The following HECW2 variants were observed in gnomAD, a reference collection of about 807,000 sequenced individuals.
HECW2 encodes the protein HECT, C2 and WW domain containing E3 ubiquitin protein ligase 2.
HECW2 carries 61 observed loss-of-function variants against 175.2 expected under a neutral mutation model. The ratio of observed to expected loss-of-function variants is 0.35; its 90% CI spans 0.28 to 0.43. The LOEUF is 0.43. Ranked by LOEUF, HECW2 falls within the 20% of genes least tolerant of loss-of-function variation. HECW2 has a pLI of 1.00. For missense variants in HECW2, 1,524 were observed against 2,000.5 expected (o/e 0.76, Z 4.54); for synonymous variants, 671 against 731.0 (o/e 0.92, Z 1.32).
chr2:196,235,265 T>A (rs1475734191), intron 21 of HECW2, among the ~76,000 whole-genome samples: 1 of 151,708 alleles, frequency 6.6e-6, no homozygotes, highest in Non-Finnish European at 1.5e-5. Flanking sequence ...GCCCAGCTAA[T>A]TTTTTTGTAT....
rs963481254 is a variant in HECW2 at position 196,199,875 on chromosome 2, T to C, written c.*1402A>G. On this transcript the variant is annotated 3_prime_UTR_variant, in exon 29 of 29. Coordinates refer to ENST00000644978, the MANE Select transcript of HECW2 (RefSeq NM_001348768.2). ...TCTCTTAATATTAATAAGAAAATTATGCATCAGTGAAAATGCAGGCTTAGA... is the reference window on the plus strand; with the variant it reads ...TCTCTTAATATTAATAAGAAAATTACGCATCAGTGAAAATGCAGGCTTAGA... 10 of 152,542 alleles carry C rather than the reference T, an allele frequency of 6.6e-5. No homozygotes were observed. Among genetic ancestry groups the C allele is most frequent in the Non-Finnish European group, 8.8e-5 (6 of 68,008 alleles). 9.4% of individuals were successfully genotyped at this position (152,542 alleles called of 1,614,324 possible).
intron 1 of HECW2, among the ~76,000 whole-genome samples, chr2:196,556,285 T>C (rs1689791046): frequency 6.6e-6 from 1 of 152,218 alleles, no homozygotes; most frequent in Admixed American, 6.5e-5. Flanking sequence ...CCTCACATAA[T>C]TACCTTGATT....
Position 196,322,589 on chromosome 2 carries a change from A to G in HECW2, c.773T>C (p.Val258Ala). ...KYSFFALLTD[V>A]LEIEIKDKFA... ...TTTGTCTTTAATTTCAATTTCTAAGACATCAGTAAGAAGTGCAAAAAAGGA... is the reference window on the plus strand; with the variant it reads ...TTTGTCTTTAATTTCAATTTCTAAGGCATCAGTAAGAAGTGCAAAAAAGGA... Residue 258 changes from valine to alanine, a missense_variant, in exon 7 of 29, where the codon GTC (valine) becomes GCC (alanine). Around this residue, in one of 11 missense-constraint regions of HECW2, gnomAD observed 95 missense variants for 136.8 expected, o/e 0.69. Coordinates refer to ENST00000644978, the MANE Select transcript of HECW2 (RefSeq NM_001348768.2). 6.2e-7 allele frequency: 1 copy of G among 1,613,664 alleles called. No homozygotes were observed. Among genetic ancestry groups the G allele is most frequent in the African/African-American group, 1.3e-5 (1 of 75,044 alleles).
At chr2:196,257,160 T>C (rs1288972273) in intron 18 of HECW2, among the ~76,000 whole-genome samples, 1 of 152,238 alleles carries the variant, frequency 6.6e-6, no homozygotes, top group African/African-American at 2.4e-5. Context: ...TATTTTACTA[T>C]GGCTTGCCTA....
chr2:196,256,188 T>C (rs1689049643), intron 18 of HECW2, among the ~76,000 whole-genome samples: 1 of 152,310 alleles, frequency 6.6e-6, no homozygotes, highest in Non-Finnish European at 1.5e-5. Context: ...TTTACTATTA[T>C]TAAAATAATA....
In HECW2 at chr2:196,319,195, A is replaced by G. The variant is rs756205973; in HGVS notation, c.1695T>C (p.Ala565=). ...EPQPSADQGS[A]ELCGSQEVDQ... is the part of the protein sequence containing the mutation. ...CTACCTCTTGAGAGCCACACAGTTC[A>G]GCACTGCCCTGGTCAGCACTGGGTT... is the stretch of plus-strand genomic sequence containing the variant. The change falls in exon 9 of 29, where the codon GCT becomes GCC. Residue 565 remains alanine (A), a synonymous_variant. Coordinates refer to ENST00000644978, the MANE Select transcript of HECW2 (RefSeq NM_001348768.2). 1.3e-6 allele frequency: 2 copies of G among 1,596,978 alleles called. No homozygotes were observed. The highest frequency in any genetic ancestry group is 3.4e-5 in the Admixed American group (2 of 58,570).
At position 196,270,769 on chromosome 2, in the gene HECW2, T is replaced by G. The variant is rs1689700425; in HGVS notation, c.3335+424A>C. 2.0e-5 allele frequency among the ~76,000 whole-genome samples: 3 copies of G among 152,054 alleles called. No homozygotes were observed. The South Asian group carries it at 6.2e-4, about 31-fold the overall frequency. On this transcript the variant is annotated intron_variant, in intron 17 of 28. Coordinates refer to ENST00000644978, the MANE Select transcript of HECW2 (RefSeq NM_001348768.2). ...AGGCTGGAGTGCAGTGGTGCAAATC[T>G]CAGCTCACTGCAACCTCCACCTCCC...
chr2:196,583,114 C>A (rs1309744656), intron 1 of HECW2, among the ~76,000 whole-genome samples: 1 of 152,178 alleles, frequency 6.6e-6, no homozygotes, highest in Non-Finnish European at 1.5e-5. Flanking sequence ...GTCGTATTGC[C>A]ATGCTCCTCT....
At chr2:196,238,533 C>T (rs1472115794) in intron 21 of HECW2, 4 of 151,976 alleles carry the variant, frequency 2.6e-5, no homozygotes, top group Admixed American at 2.0e-4. Flanking sequence ...TATGTATCCT[C>T]GGTACCTCAA....
intron 18 of HECW2, 112 bp from the exon 19 acceptor site, chr2:196,254,141 A>G (rs986076945): frequency 3.3e-5 from 48 of 1,442,816 alleles, no homozygotes; most frequent in Non-Finnish European, 4.4e-5. Context: ...TCCCAAAGAG[A>G]GCATCCGCCC....
At chr2:196,274,183 T>A (rs1689853239) in intron 15 of HECW2, 60 bp from the exon 16 acceptor site, 3 of 1,244,350 alleles carry the variant, frequency 2.4e-6, no homozygotes, top group Non-Finnish European at 3.5e-6. Context: ...TATATCAGCA[T>A]CCCAAACCAA....
At chr2:196,241,802 C>A (rs1688467267) in intron 20 of HECW2, among the ~76,000 whole-genome samples, 1 of 152,174 alleles carries the variant, frequency 6.6e-6, no homozygotes, top group African/African-American at 2.4e-5. Context: ...CCAACAAAGA[C>A]ATACTTTTCA....
chr2:196,446,397 A>ATGACTT (rs2125299469), intron 1 of HECW2, among the ~76,000 whole-genome samples: 1 of 152,248 alleles, frequency 6.6e-6, no homozygotes, highest in East Asian at 1.9e-4. Flanking sequence ...TTCATATTGT[A>ATGACTT]ATATACAGTA....
chr2:196,542,005 T>C (rs1689232605), intron 1 of HECW2, among the ~76,000 whole-genome samples: 1 of 152,090 alleles, frequency 6.6e-6, no homozygotes, highest in Non-Finnish European at 1.5e-5. Context: ...GGCTCATGCC[T>C]GTAATCCCAG....
intron 2 of HECW2, among the ~76,000 whole-genome samples, chr2:196,357,010 A>G (rs1205151968): frequency 6.6e-6 from 1 of 152,196 alleles, no homozygotes; most frequent in African/African-American, 2.4e-5. Flanking sequence ...CTGTCTGTCT[A>G]GACCACACTC....
intron 19 of HECW2, among the ~76,000 whole-genome samples, chr2:196,251,454 G>A (rs937801417): frequency 5.9e-4 from 90 of 151,920 alleles, no homozygotes; most frequent in African/African-American, 2.1e-3. Context: ...CCTCTCCTGT[G>A]CGCCATGGCT....
At chr2:196,466,661 T>C (rs567246640) in intron 1 of HECW2, among the ~76,000 whole-genome samples, 2 of 152,190 alleles carry the variant, frequency 1.3e-5, no homozygotes, top group East Asian at 3.9e-4. Context: ...GAAAGGGAAG[T>C]GAGATTTGAA....
At chr2:196,296,957 G>A (rs13383997) in intron 13 of HECW2, among the ~76,000 whole-genome samples, 3,750 of 152,242 alleles carry the variant, frequency 0.025, 163 homozygotes, top group African/African-American at 0.086. Context: ...CCTTTTCTAT[G>A]TTTGTTTGTT....
At chr2:196,443,398 A>T (rs1346964081) in intron 1 of HECW2, among the ~76,000 whole-genome samples, 1 of 152,208 alleles carries the variant, frequency 6.6e-6, no homozygotes, top group African/African-American at 2.4e-5. Flanking sequence ...AACATCTCTT[A>T]CTCATTTATC....
Sources: gnomAD v4.1 joint callset for allele counts (sites outside exome capture counted in the v4.1 genomes callset) on GRCh38, gnomAD v4.1.1 for gene constraint, gnomAD v4.1.1 regional missense constraint, MANE v1.5 for transcripts, NCBI Gene and HGNC (gene_info 2026-07-23, HGNC 2026-07-21) for gene names.